The following GAB1 variants were observed in gnomAD, a reference collection of about 807,000 sequenced individuals.
GAB1 encodes the protein GRB2 associated binding protein 1, also known as GRB2-associated-binding protein 1.
GAB1 carries 19 observed loss-of-function variants against 66.5 expected under a neutral mutation model. The observed-to-expected ratio is 0.29, with a 90% CI of 0.20 to 0.42. The LOEUF is 0.42. GAB1 is among the 10% of genes least tolerant of loss of function. The probability of loss-of-function intolerance (pLI) is 1.00; values close to 1 mark genes in which losing one functional copy is unlikely to be tolerated. For synonymous variants in GAB1, 294 were observed against 301.4 expected, an observed-to-expected ratio of 0.98 and a Z score of 0.25; for missense variants, 732 against 858.5, an observed-to-expected ratio of 0.85 and a Z score of 1.84.
At chr4:143,453,431 T>C (rs942372257) in intron 6 of GAB1, among the ~76,000 whole-genome samples, 2 of 152,182 alleles carry the variant, frequency 1.3e-5, no homozygotes, top group African/African-American at 4.8e-5. Flanking sequence ...ACTGATTTCA[T>C]GCATCTGCTT....
intron 2 of GAB1, 65 bp from the exon 3 acceptor site, chr4:143,433,426 T>C: frequency 2.7e-6 from 3 of 1,100,068 alleles, no homozygotes. Context: ...GTCTCCAAAG[T>C]AGCTTTGTTT....
intron 2 of GAB1, chr4:143,425,329 C>G: frequency 1.3e-6 from 1 of 780,740 alleles, no homozygotes; most frequent in South Asian, 1.3e-5. Flanking sequence ...GCTGCTGCCA[C>G]TGGAGCCAAT....
chr4:143,373,391 T>G (rs955923466), intron 1 of GAB1, among the ~76,000 whole-genome samples: 1 of 152,238 alleles, frequency 6.6e-6, no homozygotes, highest in Admixed American at 6.5e-5. Context: ...TTAATCCTGT[T>G]TTAGTATGAC....
rs1214898691 is a variant in GAB1 at position 143,396,619 on chromosome 4, CAT to C, written c.73-18852_73-18851del. Among the ~76,000 whole-genome samples, 8 of 152,172 alleles carry C rather than the reference CAT, an allele frequency of 5.3e-5. No homozygotes were observed. In the East Asian group the frequency reaches 9.6e-4, roughly 18 times the overall value. ...TTCAGTAGATCTAAAAGAGGTAAGT[CAT>C]ATATAAGCATATTATTTGGAAATAT... On this transcript the variant is annotated intron_variant, in intron 1 of 9. Transcript: ENST00000262994.
Position 143,470,680 on chromosome 4 carries a change from T to C in GAB1, c.*1491T>C, listed in dbSNP as rs986855901. 3.3e-5 allele frequency: 5 copies of C among 152,360 alleles called. No individual in the cohort carries two copies. Among genetic ancestry groups the C allele is most frequent in the African/African-American group, 9.6e-5 (4 of 41,594 alleles). The allele number at this position is 152,360 out of a possible 1,614,324, so 9.4% of individuals were successfully genotyped here. ...ACTGATTTGAGACTTATAACAATTT[T>C]TGGAGGGGGCATAGAGAAAGGAGTG... On this transcript the variant is annotated 3_prime_UTR_variant, in exon 10 of 10. Transcript: ENST00000262994.
intron 1 of GAB1, among the ~76,000 whole-genome samples, chr4:143,411,591 C>T (rs763089509): frequency 9.9e-5 from 15 of 152,134 alleles, no homozygotes; most frequent in Non-Finnish European, 1.5e-4. Context: ...TTCTCTGGAG[C>T]TACCAAGGCA....
chr4:143,415,107 T>C (rs1732609659), intron 1 of GAB1, among the ~76,000 whole-genome samples: 1 of 152,216 alleles, frequency 6.6e-6, no homozygotes, highest in African/African-American at 2.4e-5. Flanking sequence ...TTATTTCACT[T>C]AGCATAATGT....
chr4:143,419,717 T>C (rs2149724284), intron 2 of GAB1, among the ~76,000 whole-genome samples: 1 of 152,272 alleles, frequency 6.6e-6, no homozygotes, highest in African/African-American at 2.4e-5. Flanking sequence ...CATTTATTTT[T>C]TAAATTCTAT....
At chr4:143,434,108 C>T in intron 3 of GAB1, 3 of 1,293,626 alleles carry the variant, frequency 2.3e-6, no homozygotes, top group Non-Finnish European at 3.0e-6. Context: ...TCTTTTGTTT[C>T]TGAAGAAGGA....
At chr4:143,416,523 C>T (rs998010289) in intron 2 of GAB1, among the ~76,000 whole-genome samples, 1 of 152,210 alleles carries the variant, frequency 6.6e-6, no homozygotes, top group African/African-American at 2.4e-5. Flanking sequence ...ATAATCCCTG[C>T]ACTTTGGGAG....
intron 6 of GAB1, among the ~76,000 whole-genome samples, chr4:143,457,271 A>G (rs1245388910): frequency 1.3e-5 from 2 of 152,186 alleles, no homozygotes; most frequent in African/African-American, 2.4e-5. Context: ...CAAAGAAAAG[A>G]AAGATGTAAT....
intron 1 of GAB1, among the ~76,000 whole-genome samples, chr4:143,383,228 A>G (rs1730730957): frequency 6.6e-6 from 1 of 152,172 alleles, no homozygotes; most frequent in African/African-American, 2.4e-5. Flanking sequence ...TCCATAAGTT[A>G]TGGGACCCCT....
At chr4:143,361,219 A>G (rs1443664961) in intron 1 of GAB1, among the ~76,000 whole-genome samples, 1 of 152,136 alleles carries the variant, frequency 6.6e-6, no homozygotes. Flanking sequence ...TGTCCTTTGC[A>G]TCTTTCAGTC....
At chr4:143,423,967 G>A (rs1717039402) in intron 2 of GAB1, among the ~76,000 whole-genome samples, 1 of 151,310 alleles carries the variant, frequency 6.6e-6, no homozygotes, top group Admixed American at 6.6e-5. Context: ...TCATTTACAG[G>A]TGGGAGAAGT....
At chr4:143,350,959 C>T (rs1469661633) in intron 1 of GAB1, among the ~76,000 whole-genome samples, 1 of 152,108 alleles carries the variant, frequency 6.6e-6, no homozygotes, top group Non-Finnish European at 1.5e-5. Context: ...GCAGGGCATG[C>T]AATGGGGATG....
chr4:143,362,623 G>T (rs1729711525), intron 1 of GAB1, among the ~76,000 whole-genome samples: 2 of 152,194 alleles, frequency 1.3e-5, no homozygotes, highest in Non-Finnish European at 2.9e-5. Context: ...AACTGTCATG[G>T]CGCTGATGGG....
At position 143,461,804 on chromosome 4, in the gene GAB1, G is replaced by T. The variant is rs4690721; in HGVS notation, c.1803+1317G>T. ...TTATTTAAAACAGCCCTATTTAGAGGTATAAAATATAAAGCCCAATTCTGT... is the reference window on the plus strand; with the variant it reads ...TTATTTAAAACAGCCCTATTTAGAGTTATAAAATATAAAGCCCAATTCTGT... On this transcript the variant is annotated intron_variant, in intron 8 of 9. Coordinates refer to ENST00000262994, the MANE Select transcript of GAB1 (RefSeq NM_002039.4). Among the ~76,000 whole-genome samples the T allele has an allele frequency of 9.1e-3, 1,384 of 152,172 alleles. 9 individuals are homozygous for T. The highest frequency in any genetic ancestry group is 0.02 in the Middle Eastern group (6 of 294).
rs76276515 is a variant in GAB1, at chr4:143,426,617, T to G, written c.368-6874T>G. Among the ~76,000 whole-genome samples, 607 of 152,328 alleles carry G rather than the reference T, an allele frequency of 4.0e-3. 4 individuals carry two copies. Among genetic ancestry groups the G allele is most frequent in the African/African-American group, 0.014 (587 of 41,564 alleles). ...TCTGCCCTGTGAATGAAACATTTTTTCAGCATCTGCAATGTGTAATGCACA... is the reference window on the plus strand; with the variant it reads ...TCTGCCCTGTGAATGAAACATTTTTGCAGCATCTGCAATGTGTAATGCACA... On this transcript the variant is annotated intron_variant, in intron 2 of 9. Coordinates refer to ENST00000262994, the MANE Select transcript of GAB1 (RefSeq NM_002039.4).
chr4:143,453,085 T>A (rs1735008008), intron 6 of GAB1, among the ~76,000 whole-genome samples: 1 of 152,144 alleles, frequency 6.6e-6, no homozygotes, highest in Non-Finnish European at 1.5e-5. Flanking sequence ...TATAGGGCTA[T>A]TCTTTGGGCA....
Sources: allele counts gnomAD v4.1 joint callset (sites outside exome capture counted in the v4.1 genomes callset), GRCh38; gene constraint gnomAD v4.1.1; transcripts MANE v1.5; gene names NCBI Gene and HGNC (gene_info 2026-07-23, HGNC 2026-07-21).